The following MAN1A2 variants were observed in gnomAD, a reference collection of about 807,000 sequenced individuals.
The protein encoded by MAN1A2 is mannosyl-oligosaccharide 1,2-alpha-mannosidase IB.
Under a neutral mutation model 75.7 loss-of-function variants are expected in MAN1A2, and 26 were observed. That is an observed-to-expected ratio of 0.34 (90% CI 0.25 to 0.48). The LOEUF is 0.48. MAN1A2 is among the 20% of genes least tolerant of loss of function. The probability of loss-of-function intolerance (pLI) is 0.99; values close to 1 mark genes in which losing one functional copy is unlikely to be tolerated. For synonymous variants in MAN1A2, 247 were observed against 264.6 expected (o/e 0.93, Z 0.65); for missense variants, 562 against 775.5 (o/e 0.72, Z 3.27).
rs116495720 is a variant in MAN1A2 at position 117,450,832 on chromosome 1, A to G, written c.950+8507A>G. Among the ~76,000 whole-genome samples, 583 of 152,294 alleles carry G rather than the reference A, an allele frequency of 3.8e-3. 7 individuals are homozygous for G. Among genetic ancestry groups the G allele is most frequent in the African/African-American group, 0.013 (554 of 41,558 alleles). ...GGAACCTCTGCCTAGATTTCACAGG[A>G]TGTATGGAAATACCTGCCTGTCCAG... On this transcript the variant is annotated intron_variant, in intron 6 of 12. Coordinates refer to ENST00000356554, the MANE Select transcript of MAN1A2 (RefSeq NM_006699.5).
chr1:117,415,892 A>G (rs1647974589), intron 4 of MAN1A2, among the ~76,000 whole-genome samples: 1 of 152,070 alleles, frequency 6.6e-6, no homozygotes, highest in Admixed American at 6.6e-5. Flanking sequence ...TAGTCTCCCC[A>G]TTTTTGCTTT....
In MAN1A2 at chr1:117,496,747, C is replaced by A; in HGVS notation, c.1285-16C>A. The A allele has an allele frequency of 6.3e-7, 1 of 1,575,484 alleles. No homozygotes were observed. Among genetic ancestry groups the A allele is most frequent in the Non-Finnish European group, 8.7e-7 (1 of 1,149,232 alleles). On this transcript the variant is annotated splice_polypyrimidine_tract_variant and intron_variant, in intron 9 of 12. Transcript: ENST00000356554. Reference sequence around the variant, plus strand: ...AGTTTGCATCTAAAATTTTGAATATCTTTTCTTTCCTGTAGGCTATAGAAA... The same window carrying A: ...AGTTTGCATCTAAAATTTTGAATATATTTTCTTTCCTGTAGGCTATAGAAA...
At chr1:117,521,667 A>T (rs1651875686) in intron 12 of MAN1A2, among the ~76,000 whole-genome samples, 1 of 152,018 alleles carries the variant, frequency 6.6e-6, no homozygotes, top group South Asian at 2.1e-4. Flanking sequence ...CAGCAATCCC[A>T]CTAGTGGGTA....
At chr1:117,383,080 T>A (rs1418141717) in intron 1 of MAN1A2, among the ~76,000 whole-genome samples, 2 of 152,196 alleles carry the variant, frequency 1.3e-5, no homozygotes, top group African/African-American at 4.8e-5. Flanking sequence ...CAAATAGTAG[T>A]GGTGAAAGTG....
chr1:117,393,366 T>A (rs968071193), intron 1 of MAN1A2, among the ~76,000 whole-genome samples: 1 of 152,192 alleles, frequency 6.6e-6, no homozygotes, highest in African/African-American at 2.4e-5. Context: ...TGTAGAATGC[T>A]GTTGTTTCAT....
intron 8 of MAN1A2, among the ~76,000 whole-genome samples, chr1:117,470,336 GGA>G (rs1370544558): frequency 6.6e-6 from 1 of 152,064 alleles, no homozygotes; most frequent in East Asian, 1.9e-4. Flanking sequence ...AGAAGAAAAT[GGA>G]GAGTTATTGC....
At chr1:117,390,247 G>A (rs1653672855) in intron 1 of MAN1A2, among the ~76,000 whole-genome samples, 1 of 152,020 alleles carries the variant, frequency 6.6e-6, no homozygotes, top group Non-Finnish European at 1.5e-5. Flanking sequence ...ATTCGTCAGT[G>A]AAATAATCTG....
rs1378900170 is a variant in MAN1A2 at position 117,445,850 on chromosome 1, GTGTGTGTGTA to G, written c.950+3535_950+3544del. Among the ~76,000 whole-genome samples the G allele has an allele frequency of 3.1e-3, 278 of 90,406 alleles. 2 individuals carry two copies. Among genetic ancestry groups the G allele is most frequent in the African/African-American group, 0.012 (247 of 20,682 alleles). The allele number at this position is 90,406 out of a possible 152,430, so 59.3% of individuals were successfully genotyped here. Reference sequence around the variant, plus strand: ...CCCAAATTTTCATATTTGTGTGTGTGTGTGTGTGTATGTGTGTGTGTGTCTGTGTGTGTGT... The same window carrying G: ...CCCAAATTTTCATATTTGTGTGTGTGTGTGTGTGTGTGTCTGTGTGTGTGT... On this transcript the variant is annotated intron_variant, in intron 6 of 12. Coordinates refer to ENST00000356554, the MANE Select transcript of MAN1A2 (RefSeq NM_006699.5).
At chr1:117,391,080 A>AAT (rs1328743150) in intron 1 of MAN1A2, among the ~76,000 whole-genome samples, 5 of 152,090 alleles carry the variant, frequency 3.3e-5, no homozygotes, top group African/African-American at 1.2e-4. Flanking sequence ...GAAGTGTTTT[A>AAT]TTGAGTTTAT....
chr1:117,446,942 C>T (rs778109187), intron 6 of MAN1A2, among the ~76,000 whole-genome samples: 4 of 152,002 alleles, frequency 2.6e-5, no homozygotes, highest in Admixed American at 2.0e-4. Context: ...TGCATTTTGA[C>T]GAAGCTTTAC....
chr1:117,512,126 T>G (rs1036437112), intron 12 of MAN1A2, among the ~76,000 whole-genome samples: 5 of 152,046 alleles, frequency 3.3e-5, no homozygotes, highest in African/African-American at 1.2e-4. Context: ...CAGAATTCAC[T>G]TAGTTTTAGG....
intron 5 of MAN1A2, among the ~76,000 whole-genome samples, chr1:117,428,303 T>TG (rs1219331431): frequency 1.3e-5 from 2 of 151,898 alleles, no homozygotes; most frequent in African/African-American, 2.4e-5. Flanking sequence ...TTTGTAGAGG[T>TG]GGGGTCTCTC....
chr1:117,390,635 TTTTC>T (rs1321693105), intron 1 of MAN1A2, among the ~76,000 whole-genome samples: 2 of 151,930 alleles, frequency 1.3e-5, no homozygotes, highest in Admixed American at 6.5e-5. Context: ...ATCTTTATTA[TTTTC>T]TTTCTTCTTC....
intron 8 of MAN1A2, among the ~76,000 whole-genome samples, chr1:117,483,942 AG>A (rs1650582764): frequency 6.6e-6 from 1 of 151,748 alleles, no homozygotes; most frequent in Non-Finnish European, 1.5e-5. Flanking sequence ...TATGTGTTTC[AG>A]GTATGGGGAG....
chr1:117,522,564 A>G (rs1331771683), intron 12 of MAN1A2, among the ~76,000 whole-genome samples: 5 of 151,768 alleles, frequency 3.3e-5, no homozygotes, highest in African/African-American at 4.8e-5. Context: ...TGCTCTCTTC[A>G]CCACACCTGG....
At chr1:117,398,273 A>G (rs1647286692) in intron 1 of MAN1A2, among the ~76,000 whole-genome samples, 1 of 152,202 alleles carries the variant, frequency 6.6e-6, no homozygotes, top group Non-Finnish European at 1.5e-5. Context: ...AGAAGTTATG[A>G]TTGATCAGTG....
At chr1:117,401,365 A>G (rs904254844) in intron 1 of MAN1A2, among the ~76,000 whole-genome samples, 1 of 152,100 alleles carries the variant, frequency 6.6e-6, no homozygotes, top group African/African-American at 2.4e-5. Flanking sequence ...GAGATGACCT[A>G]TTGACTCTTG....
chr1:117,449,552 C>G (rs1047438701), intron 6 of MAN1A2, among the ~76,000 whole-genome samples: 10 of 133,164 alleles, frequency 7.5e-5, no homozygotes, highest in African/African-American at 2.6e-4. Flanking sequence ...GAGCCAGACC[C>G]TGTCTCAAAA....
intron 6 of MAN1A2, among the ~76,000 whole-genome samples, chr1:117,450,254 G>A (rs1649362392): frequency 6.6e-6 from 1 of 152,172 alleles, no homozygotes; most frequent in Admixed American, 6.5e-5. Flanking sequence ...GAGACTGGTG[G>A]CATTTTGCTC....
Sources: gnomAD v4.1 joint callset for allele counts (sites outside exome capture counted in the v4.1 genomes callset) on GRCh38, gnomAD v4.1.1 for gene constraint, MANE v1.5 for transcripts, NCBI Gene and HGNC (gene_info 2026-07-23, HGNC 2026-07-21) for gene names.